Variants in ACOXL observed in about 807,000 individuals in gnomAD.
The protein encoded by ACOXL is acyl-coenzyme A oxidase-like protein.
Under a neutral mutation model 71.9 loss-of-function variants are expected in ACOXL, and 70 were observed. The observed-to-expected ratio is 0.97, with a 90% CI of 0.80 to 1.19. ACOXL has a LOEUF of 1.19. Among genes scored for constraint, ACOXL ranks in the 50% most tolerant of loss-of-function variants. The pLI, the probability that ACOXL is intolerant of heterozygous loss-of-function variation, is 0.00. For synonymous variants in ACOXL, 253 were observed against 281.6 expected (o/e 0.90, Z 1.02); for missense variants, 703 against 736.3 (o/e 0.95, Z 0.52).
intron 10 of ACOXL, among the ~76,000 whole-genome samples, chr2:110,842,234 G>C (rs373405695): frequency 9.9e-5 from 15 of 152,180 alleles, no homozygotes; most frequent in Admixed American, 2.0e-4. Flanking sequence ...AGAAAGCTGG[G>C]GGGGAGCCAT....
At chr2:110,988,401 C>G (rs13410547) in intron 13 of ACOXL, among the ~76,000 whole-genome samples, 11,088 of 152,086 alleles carry the variant, frequency 0.073, 1,339 homozygotes, top group African/African-American at 0.25. Flanking sequence ...GATCATGCCA[C>G]TGCACTCTAG....
chr2:111,088,659 A>T (rs1451584213), intron 16 of ACOXL, among the ~76,000 whole-genome samples: 1 of 152,152 alleles, frequency 6.6e-6, no homozygotes, highest in Non-Finnish European at 1.5e-5. Flanking sequence ...GAGGGAGAGG[A>T]TCAGGAAACA....
rs17041844 is a variant in ACOXL, at chr2:111,068,710, G to A, written c.1440+19422G>A. ...CCAACAATTAATCCAGATGGTCACC[G>A]ACGGGTTTCTTTCACCTATAAATCC... is the stretch of plus-strand genomic sequence containing the variant. On this transcript the variant is annotated intron_variant, in intron 16 of 17. Coordinates refer to ENST00000439055, the MANE Select transcript of ACOXL (RefSeq NM_001142807.4). Among the ~76,000 whole-genome samples, 8 of 152,270 alleles carry A rather than the reference G, an allele frequency of 5.3e-5. No homozygotes were observed. In the South Asian group the frequency reaches 8.3e-4, roughly 16 times the overall value.
intron 3 of ACOXL, among the ~76,000 whole-genome samples, chr2:110,788,558 G>A (rs1684267773): frequency 6.6e-6 from 1 of 152,166 alleles, no homozygotes; most frequent in Non-Finnish European, 1.5e-5. Context: ...GGAAATAGTG[G>A]TGATGGTTGT....
intron 17 of ACOXL, among the ~76,000 whole-genome samples, chr2:111,117,316 C>T (rs2070430974): frequency 6.6e-6 from 1 of 152,240 alleles, no homozygotes; most frequent in Non-Finnish European, 1.5e-5. Flanking sequence ...AATTCTCAGA[C>T]CTTGGTCTCG....
chr2:110,905,337 C>G (rs750781513), intron 10 of ACOXL, among the ~76,000 whole-genome samples: 4 of 152,102 alleles, frequency 2.6e-5, no homozygotes, highest in Non-Finnish European at 4.4e-5. Flanking sequence ...GAGAGCCCTG[C>G]TTGGACAGAG....
intron 4 of ACOXL, 149 bp from the exon 5 acceptor site, chr2:110,793,927 C>T (rs1684971329): frequency 4.8e-6 from 4 of 835,214 alleles, no homozygotes; most frequent in Admixed American, 2.5e-5. Flanking sequence ...TGTTGTTAAG[C>T]TCACATTCGC....
At chr2:110,756,318 G>A (rs559745183) in intron 1 of ACOXL, among the ~76,000 whole-genome samples, 34 of 152,224 alleles carry the variant, frequency 2.2e-4, no homozygotes, top group African/African-American at 7.5e-4. Flanking sequence ...TAGTAGAGAC[G>A]GGGTTTCGTC....
intron 11 of ACOXL, among the ~76,000 whole-genome samples, chr2:110,921,197 T>A (rs553687925): frequency 1.7e-3 from 254 of 152,316 alleles, no homozygotes; most frequent in Admixed American, 3.4e-3. Flanking sequence ...TCCCCACTGT[T>A]TTGTCTCTCT....
intron 12 of ACOXL, among the ~76,000 whole-genome samples, chr2:110,965,539 G>A (rs1225273969): frequency 6.6e-6 from 1 of 152,180 alleles, no homozygotes; most frequent in Non-Finnish European, 1.5e-5. Flanking sequence ...AAGGTGATGT[G>A]TTGTGCTATG....
intron 2 of ACOXL, among the ~76,000 whole-genome samples, chr2:110,783,346 G>A (rs1184988875): frequency 2.0e-5 from 3 of 152,214 alleles, no homozygotes; most frequent in African/African-American, 7.2e-5. Flanking sequence ...CTGGAGCCAT[G>A]CAGTGGTTTA....
intron 14 of ACOXL, 121 bp downstream of exon 14, chr2:110,996,125 G>A (rs1380336996): frequency 1.5e-5 from 12 of 809,864 alleles, no homozygotes; most frequent in Middle Eastern, 3.1e-4. Flanking sequence ...TCCTGGAAGC[G>A]GCTAGAGTTC....
At chr2:110,988,865 G>GTGTGTGTC (rs1375537310) in intron 13 of ACOXL, among the ~76,000 whole-genome samples, 1 of 147,288 alleles carries the variant, frequency 6.8e-6, no homozygotes, top group African/African-American at 2.6e-5. Context: ...TATTGTGTGT[G>GTGTGTGTC]TGTGTGTGTG....
At chr2:111,008,160 T>G (rs771871680) in intron 14 of ACOXL, among the ~76,000 whole-genome samples, 2 of 152,200 alleles carry the variant, frequency 1.3e-5, no homozygotes, top group Non-Finnish European at 2.9e-5. Context: ...TTTGGTGTGG[T>G]TTTATTACTT....
At chr2:110,821,536 C>A (rs972151249) in intron 9 of ACOXL, among the ~76,000 whole-genome samples, 26 of 152,244 alleles carry the variant, frequency 1.7e-4, no homozygotes, top group African/African-American at 5.1e-4. Flanking sequence ...TGGGGCCGAG[C>A]AGGTGCCCTG....
intron 10 of ACOXL, among the ~76,000 whole-genome samples, chr2:110,864,075 C>T (rs144156847): frequency 1.3e-5 from 2 of 151,916 alleles, no homozygotes; most frequent in African/African-American, 4.9e-5. Context: ...AGAAGAGCCC[C>T]TGAGTATATA....
intron 1 of ACOXL, among the ~76,000 whole-genome samples, chr2:110,759,302 T>C (rs2104887395): frequency 6.6e-6 from 1 of 152,362 alleles, no homozygotes; most frequent in East Asian, 1.9e-4. Flanking sequence ...TATTATTGTG[T>C]GAGAGTCTAC....
chr2:110,838,779 A>T (rs1690769262), intron 9 of ACOXL, among the ~76,000 whole-genome samples: 1 of 152,204 alleles, frequency 6.6e-6, no homozygotes, highest in Non-Finnish European at 1.5e-5. Context: ...TGTTTCCAGA[A>T]TGACTGTGAA....
At chr2:110,740,082 A>G (rs1233252982) in intron 1 of ACOXL, among the ~76,000 whole-genome samples, 1 of 152,192 alleles carries the variant, frequency 6.6e-6, no homozygotes, top group Admixed American at 6.5e-5. Context: ...TGCCCCATCA[A>G]AGGACACTCA....
Sources: allele counts gnomAD v4.1 joint callset (sites outside exome capture counted in the v4.1 genomes callset), GRCh38; gene constraint gnomAD v4.1.1; transcripts MANE v1.5; gene names NCBI Gene and HGNC (gene_info 2026-07-23, HGNC 2026-07-21).